The following GRIA4 variants were observed in gnomAD, a reference collection of about 807,000 sequenced individuals.
GRIA4 encodes the protein glutamate ionotropic receptor AMPA type subunit 4.
Under a neutral mutation model 104.0 loss-of-function variants are expected in GRIA4, and 34 were observed. That is an observed-to-expected ratio of 0.33 (90% CI 0.25 to 0.44). The LOEUF is 0.44. GRIA4 is among the 20% of genes least tolerant of loss of function. GRIA4 has a pLI of 1.00. For missense variants in GRIA4, 750 were observed against 1,096.5 expected, an observed-to-expected ratio of 0.68 and a Z score of 4.46; for synonymous variants, 386 against 381.9, an observed-to-expected ratio of 1.01 and a Z score of -0.13.
chr11:105,911,764 AC>A (rs1271530188), intron 10 of GRIA4: 1 of 169,814 alleles, frequency 5.9e-6, no homozygotes, highest in East Asian at 1.4e-4. Context: ...TTTGCATGGG[AC>A]TTGAAAAGCA....
intron 14 of GRIA4, among the ~76,000 whole-genome samples, chr11:105,940,006 C>T (rs906288608): frequency 2.0e-5 from 3 of 152,136 alleles, no homozygotes; most frequent in Non-Finnish European, 4.4e-5. Context: ...CAGTGGATTC[C>T]TCCCCTTATG....
intron 3 of GRIA4, among the ~76,000 whole-genome samples, chr11:105,745,672 T>G (rs552360377): frequency 6.6e-6 from 1 of 152,308 alleles, no homozygotes; most frequent in East Asian, 1.9e-4. Flanking sequence ...TTCTATCTAG[T>G]TCATATGTTG....
At chr11:105,979,294 A>T (rs1859153562) in intron 16 of GRIA4, among the ~76,000 whole-genome samples, 1 of 152,226 alleles carries the variant, frequency 6.6e-6, no homozygotes, top group Non-Finnish European at 1.5e-5. Context: ...CAGCAAGTTA[A>T]AAGATGTTTC....
chr11:105,891,875 G>A (rs585464), intron 6 of GRIA4, among the ~76,000 whole-genome samples: 30,970 of 152,002 alleles, frequency 0.2, 3,250 homozygotes, highest in Admixed American at 0.26. Flanking sequence ...TTAACCTTAT[G>A]AAAGAGTCCT....
intron 3 of GRIA4, among the ~76,000 whole-genome samples, chr11:105,656,006 C>G (rs951825547): frequency 3.3e-5 from 5 of 152,096 alleles, no homozygotes; most frequent in Non-Finnish European, 1.5e-5. Flanking sequence ...TGTTTCCTGA[C>G]TTTTTAATGA....
At position 105,805,648 on chromosome 11, in the gene GRIA4, T is replaced by C. The variant is rs562622111; in HGVS notation, c.487+52428T>C. ...AAATTCAAGAATGCAAAAAGGTTAG[T>C]ATAGTGATCAGCTGCACTTCCCTCT... On this transcript the variant is annotated intron_variant, in intron 4 of 16. Coordinates refer to ENST00000282499, the MANE Select transcript of GRIA4 (RefSeq NM_000829.4). 9.2e-5 allele frequency among the ~76,000 whole-genome samples: 14 copies of C among 152,010 alleles called. No individual in the cohort carries two copies. The South Asian group carries it at 2.7e-3, about 29-fold the overall frequency.
chr11:105,628,850 A>G (rs1333192465), intron 3 of GRIA4, among the ~76,000 whole-genome samples: 1 of 152,184 alleles, frequency 6.6e-6, no homozygotes, highest in Non-Finnish European at 1.5e-5. Flanking sequence ...ACAAGTTTCA[A>G]TATTTTTATT....
intron 3 of GRIA4, among the ~76,000 whole-genome samples, chr11:105,646,355 G>C (rs1432632392): frequency 6.6e-6 from 1 of 152,156 alleles, no homozygotes; most frequent in Non-Finnish European, 1.5e-5. Flanking sequence ...CACTTGGGGA[G>C]GTCTAGAATG....
intron 14 of GRIA4, among the ~76,000 whole-genome samples, chr11:105,956,217 T>G (rs913801154): frequency 1.3e-5 from 2 of 152,126 alleles, no homozygotes; most frequent in Non-Finnish European, 2.9e-5. Flanking sequence ...CATCAACTCG[T>G]CATTTACATT....
At chr11:105,646,134 G>A (rs1951520476) in intron 3 of GRIA4, among the ~76,000 whole-genome samples, 1 of 152,190 alleles carries the variant, frequency 6.6e-6, no homozygotes, top group Non-Finnish European at 1.5e-5. Context: ...TTACTTAGAT[G>A]TGAAAGCAAT....
At chr11:105,974,527 T>C in intron 16 of GRIA4, 83 bp downstream of exon 16, 1 of 1,613,608 alleles carries the variant, frequency 6.2e-7, no homozygotes, top group Non-Finnish European at 8.5e-7. Context: ...GGTTACAACG[T>C]ATATGGAACC....
intron 4 of GRIA4, among the ~76,000 whole-genome samples, chr11:105,758,819 C>T (rs1357322810): frequency 5.3e-5 from 8 of 151,998 alleles, no homozygotes; most frequent in Non-Finnish European, 7.4e-5. Context: ...TCAGATACAA[C>T]GTATAAATTC....
intron 3 of GRIA4, among the ~76,000 whole-genome samples, chr11:105,635,371 C>A (rs1361182819): frequency 6.6e-6 from 1 of 152,042 alleles, no homozygotes; most frequent in Non-Finnish European, 1.5e-5. Flanking sequence ...AGAAGAAAGA[C>A]AGTGTAAAGA....
intron 3 of GRIA4, among the ~76,000 whole-genome samples, chr11:105,709,546 C>A (rs1591115994): frequency 6.6e-6 from 1 of 152,002 alleles, no homozygotes; most frequent in African/African-American, 2.4e-5. Context: ...AGTGGAGAAA[C>A]CTGGTGGACA....
At chr11:105,789,514 T>C (rs972825468) in intron 4 of GRIA4, among the ~76,000 whole-genome samples, 6 of 152,152 alleles carry the variant, frequency 3.9e-5, no homozygotes, top group Non-Finnish European at 2.9e-5. Flanking sequence ...ACAGGTCATG[T>C]ATGTCCTCCC....
At chr11:105,780,060 TA>T in intron 4 of GRIA4, among the ~76,000 whole-genome samples, 1 of 152,318 alleles carries the variant, frequency 6.6e-6, no homozygotes, top group Non-Finnish European at 1.5e-5. Context: ...CACTGAACTT[TA>T]GGTGTACCCT....
chr11:105,616,558 A>G (rs966535032), intron 3 of GRIA4, among the ~76,000 whole-genome samples: 1 of 151,526 alleles, frequency 6.6e-6, no homozygotes, highest in Non-Finnish European at 1.5e-5. Context: ...ATAATATAAT[A>G]TTTTTTTGTT....
Position 105,635,637 on chromosome 11 carries a change from C to T in GRIA4, c.247+23203C>T, listed in dbSNP as rs113313474. ...GGCATGAGAAGAGGCTGCTCCTGCC[C>T]GCCTGCCCGAGCTGTGGCCTCAGTC... On this transcript the variant is annotated intron_variant, in intron 3 of 16. Coordinates refer to ENST00000282499, the MANE Select transcript of GRIA4 (RefSeq NM_000829.4). Among the ~76,000 whole-genome samples the T allele has an allele frequency of 6.2e-4, 95 of 152,272 alleles. No individual in the cohort carries two copies. In the East Asian group the frequency reaches 0.015, roughly 25 times the overall value.
At chr11:105,729,893 G>A (rs766005430) in intron 3 of GRIA4, among the ~76,000 whole-genome samples, 4 of 152,136 alleles carry the variant, frequency 2.6e-5, no homozygotes, top group Non-Finnish European at 4.4e-5. Flanking sequence ...AATAATAAGA[G>A]CTATTTATGA....
Sources: gnomAD v4.1 joint callset for allele counts (sites outside exome capture counted in the v4.1 genomes callset) on GRCh38, gnomAD v4.1.1 for gene constraint, MANE v1.5 for transcripts, NCBI Gene and HGNC (gene_info 2026-07-23, HGNC 2026-07-21) for gene names.